The following BCAS3 variants were observed in gnomAD, a reference collection of about 807,000 sequenced individuals.
The protein encoded by BCAS3 is BCAS4/BCAS3 fusion.
Under a neutral mutation model 116.1 loss-of-function variants are expected in BCAS3, and 53 were observed. That is an observed-to-expected ratio of 0.46 (90% CI 0.37 to 0.57). BCAS3 has a LOEUF of 0.57. Ranked by LOEUF, BCAS3 falls within the 20% of genes least tolerant of loss-of-function variation. The pLI is 0.00. For missense variants in BCAS3, 917 were observed against 1,165.4 expected, an observed-to-expected ratio of 0.79 and a Z score of 3.10; for synonymous variants, 391 against 408.2, an observed-to-expected ratio of 0.96 and a Z score of 0.51.
intron 22 of BCAS3, among the ~76,000 whole-genome samples, chr17:61,182,869 C>T (rs1024344550): frequency 1.3e-5 from 2 of 152,182 alleles, no homozygotes; most frequent in Non-Finnish European, 2.9e-5. Context: ...TGGCCGTGGG[C>T]CCCTTTTCAC....
chr17:60,699,106 C>G (rs2036038460), intron 4 of BCAS3, among the ~76,000 whole-genome samples: 1 of 152,118 alleles, frequency 6.6e-6, no homozygotes, highest in South Asian at 2.1e-4. Context: ...AACAAAAAAA[C>G]AGGATTCCGT....
At chr17:61,374,187 CTT>C (rs547428310) in intron 23 of BCAS3, among the ~76,000 whole-genome samples, 4,040 of 132,350 alleles carry the variant, frequency 0.031, 179 homozygotes, top group African/African-American at 0.11. Flanking sequence ...TGTTAACTTC[CTT>C]TTTTTTTTTT....
chr17:61,202,219 G>A (rs1026345539), intron 22 of BCAS3, among the ~76,000 whole-genome samples: 21 of 144,848 alleles, frequency 1.4e-4, no homozygotes, highest in Non-Finnish European at 1.8e-4. Context: ...CTCACTACAA[G>A]CTCTGCCTCC....
In BCAS3 at chr17:61,313,636, C is replaced by T. The variant is rs977143236; in HGVS notation, c.2426-54691C>T. Among the ~76,000 whole-genome samples, 2 of 152,178 alleles carry T rather than the reference C, an allele frequency of 1.3e-5. 1 individual carries two copies. Among genetic ancestry groups the T allele is most frequent in the African/African-American group, 4.8e-5 (2 of 41,432 alleles). On this transcript the variant is annotated intron_variant, in intron 22 of 23. Transcript: ENST00000407086. The surrounding 1 kb of genome is among the most constrained non-coding windows in gnomAD (Gnocchi z 4.3). Reference sequence around the variant, plus strand: ...TCGGGTCCAGCTCGGCGTCCTCCCTCGGGTCCTGCTCGCTGAAGAGGTACA... The same window carrying T: ...TCGGGTCCAGCTCGGCGTCCTCCCTTGGGTCCTGCTCGCTGAAGAGGTACA...
chr17:60,974,969 ATTTGTTTTTTTTGTTTTTTTTGCTTT>A (rs1338340965), intron 14 of BCAS3, among the ~76,000 whole-genome samples: 8 of 139,612 alleles, frequency 5.7e-5, no homozygotes, highest in African/African-American at 2.2e-4. Flanking sequence ...TATTCAAGCC[ATTTGTTTTTTTTGTTTTTTTTGCTTT>A]TTTGTTTTTT....
chr17:60,709,334 A>T lies in BCAS3; in HGVS notation c.321+9A>T. On this transcript the variant is annotated intron_variant, in intron 5 of 23. Coordinates refer to ENST00000407086, the MANE Select transcript of BCAS3 (RefSeq NM_017679.5). ...AGGTCTGGAGCATCCCTGTAAGTAC[A>T]CATGTGGTTGAATACCTAAAACATA... 6.7e-7 allele frequency: 1 copy of T among 1,495,652 alleles called. No homozygotes were observed. Among genetic ancestry groups the T allele is most frequent in the Non-Finnish European group, 9.3e-7 (1 of 1,075,260 alleles). The allele number at this position is 1,495,652 out of a possible 1,614,324, so 92.6% of individuals were successfully genotyped here.
At chr17:60,788,556 TTGAGGGAAA>T in intron 6 of BCAS3, among the ~76,000 whole-genome samples, 1 of 152,306 alleles carries the variant, frequency 6.6e-6, no homozygotes, top group Non-Finnish European at 1.5e-5. Context: ...TTTTAGATAT[TTGAGGGAAA>T]TGGCAAAGAT....
At position 60,874,724 on chromosome 17, in the gene BCAS3, A is replaced by C; in HGVS notation, c.647A>C (p.Lys216Thr). The C allele has an allele frequency of 1.2e-6, 2 of 1,610,382 alleles. No homozygotes were observed. Among genetic ancestry groups the C allele is most frequent in the African/African-American group, 1.3e-5 (1 of 74,908 alleles). The change falls in exon 9 of 24, where the codon AAA (lysine) becomes ACA (threonine). Residue 216 changes from lysine (K) to threonine (T), a missense_variant. Physicochemically the swap from Lys to Thr is moderately conservative, Grantham distance 78 (BLOSUM62 -1). This residue lies in a region of BCAS3 where 807 missense variants were observed against 1,026.0 expected (regional missense o/e 0.79). Coordinates refer to ENST00000407086, the MANE Select transcript of BCAS3 (RefSeq NM_017679.5). ...AAFDSCTFTK[K>T]FFVTSCYPCP... ...TTTGATAGCTGTACTTTCACGAAGA[A>C]ATTCTTTGTTACAAGTATGTACCAA... is the stretch of plus-strand genomic sequence containing the variant.
intron 14 of BCAS3, among the ~76,000 whole-genome samples, chr17:60,970,106 A>C (rs572035956): frequency 3.3e-5 from 5 of 152,226 alleles, no homozygotes; most frequent in Non-Finnish European, 7.3e-5. Flanking sequence ...ATTTGTGTCT[A>C]ATATATGGGA....
At chr17:60,815,310 G>A (rs1263378067) in intron 7 of BCAS3, among the ~76,000 whole-genome samples, 2 of 152,124 alleles carry the variant, frequency 1.3e-5, no homozygotes, top group African/African-American at 2.4e-5. Context: ...TGGGGGAGGG[G>A]AGAGGAATAG....
At chr17:60,949,286 C>T (rs1271553173) in intron 14 of BCAS3, among the ~76,000 whole-genome samples, 1 of 152,118 alleles carries the variant, frequency 6.6e-6, no homozygotes, top group African/African-American at 2.4e-5. Context: ...AGGACAGGGT[C>T]TTGCTCTGTT....
chr17:60,899,869 C>A (rs1263779886), intron 10 of BCAS3: 2 of 151,914 alleles, frequency 1.3e-5, no homozygotes, highest in Admixed American at 6.6e-5. Context: ...CTGCCAAAAA[C>A]CAGGTTTGAA....
intron 22 of BCAS3, among the ~76,000 whole-genome samples, chr17:61,237,863 T>G (rs2083187306): frequency 6.6e-6 from 1 of 152,152 alleles, no homozygotes; most frequent in Non-Finnish European, 1.5e-5. Context: ...CAAAATAGAT[T>G]AGCCATATTT....
intron 7 of BCAS3, among the ~76,000 whole-genome samples, chr17:60,818,353 T>C (rs546861220): frequency 1.0e-3 from 152 of 152,296 alleles, no homozygotes; most frequent in African/African-American, 3.7e-3. Context: ...GCTGCAGTTA[T>C]TAGGTGGAGG....
At position 60,804,621 on chromosome 17, in the gene BCAS3, C is replaced by T. The variant is rs117775976; in HGVS notation, c.404-3383C>T. Among the ~76,000 whole-genome samples the T allele has an allele frequency of 1.7e-3, 262 of 152,052 alleles. 5 individuals carry two copies. The East Asian group carries it at 0.041, about 24-fold the overall frequency. ...TGTAATTCGTTGTGTTGTTTTGCAG[C>T]GGTAGGAAATATTCTATTGTAACTT... On this transcript the variant is annotated intron_variant, in intron 6 of 23. Transcript: ENST00000407086.
intron 19 of BCAS3, among the ~76,000 whole-genome samples, chr17:61,049,730 C>CTTTTCTT (rs1237965285): frequency 3.3e-5 from 4 of 120,824 alleles, no homozygotes; most frequent in Non-Finnish European, 6.8e-5. Context: ...CTTTTCTTTT[C>CTTTTCTT]TTTTTTTTTT....
chr17:61,067,787 AT>A (rs1468726198), intron 19 of BCAS3, among the ~76,000 whole-genome samples: 64 of 151,138 alleles, frequency 4.2e-4, no homozygotes, highest in African/African-American at 1.5e-3. Context: ...ACAGAAGCCC[AT>A]ATATTCCTAT....
chr17:60,966,555 A>T (rs912894682), intron 14 of BCAS3, among the ~76,000 whole-genome samples: 1 of 152,120 alleles, frequency 6.6e-6, no homozygotes, highest in African/African-American at 2.4e-5. Context: ...ATAACAAGTT[A>T]TTTTAAAGAG....
At chr17:61,147,401 T>C (rs1401135580) in intron 22 of BCAS3, among the ~76,000 whole-genome samples, 1 of 151,742 alleles carries the variant, frequency 6.6e-6, no homozygotes, top group African/African-American at 2.4e-5. Flanking sequence ...TTGGTTTTGG[T>C]TTTGTAGAGA....
Sources: allele counts gnomAD v4.1 joint callset (sites outside exome capture counted in the v4.1 genomes callset), GRCh38; gene constraint gnomAD v4.1.1; regional missense constraint gnomAD v4.1.1; non-coding constraint Gnocchi (gnomAD v3.1); transcripts MANE v1.5; gene names NCBI Gene and HGNC (gene_info 2026-07-23, HGNC 2026-07-21).